Variants in SCFD2 observed in about 807,000 individuals in gnomAD.
The protein encoded by SCFD2 is sec1 family domain containing 2, also known as sec1 family domain-containing protein 2.
A neutral mutation model predicts 58.9 loss-of-function variants in SCFD2; 54 were observed. The ratio of observed to expected loss-of-function variants is 0.92; its 90% confidence interval spans 0.74 to 1.15. The LOEUF is 1.15. Among genes scored for constraint, SCFD2 ranks in the 50% most tolerant of loss-of-function variants. The pLI, the probability that SCFD2 is intolerant of heterozygous loss-of-function variation, is 0.00. For synonymous variants in SCFD2, 321 were observed against 335.9 expected (o/e 0.96, Z 0.49); for missense variants, 805 against 836.6 (o/e 0.96, Z 0.47).
At chr4:53,333,645 C>T (rs1020007745) in intron 2 of SCFD2, among the ~76,000 whole-genome samples, 2 of 145,754 alleles carry the variant, frequency 1.4e-5, no homozygotes, top group African/African-American at 5.1e-5. Flanking sequence ...ACCATAAAAA[C>T]CCTAGAAGAA....
At chr4:53,330,532 G>C (rs1467175252) in intron 2 of SCFD2, among the ~76,000 whole-genome samples, 1 of 152,094 alleles carries the variant, frequency 6.6e-6, no homozygotes, top group Non-Finnish European at 1.5e-5. Flanking sequence ...ATACTTTACA[G>C]ACAAGCAAAT....
intron 5 of SCFD2, among the ~76,000 whole-genome samples, chr4:53,137,586 G>T (rs1725979685): frequency 6.6e-6 from 1 of 152,184 alleles, no homozygotes; most frequent in African/African-American, 2.4e-5. Flanking sequence ...AGTTCTTAGG[G>T]TATTATCATG....
chr4:53,276,058 T>C (rs1361407092), intron 3 of SCFD2, among the ~76,000 whole-genome samples: 3 of 151,982 alleles, frequency 2.0e-5, no homozygotes, highest in African/African-American at 7.2e-5. Flanking sequence ...ATATGTTTCA[T>C]TTTCCTTTAG....
chr4:53,302,538 T>C lies in SCFD2; in HGVS notation c.1135+11098A>G, dbSNP rs373814899. ...TGGCCATACTGCCCAAGGTAATTTA[T>C]AGATTCAATGCCATCCCCATCAAGC... On this transcript the variant is annotated intron_variant, in intron 3 of 8. Coordinates refer to ENST00000401642, the MANE Select transcript of SCFD2 (RefSeq NM_152540.4). Among the ~76,000 whole-genome samples the C allele has an allele frequency of 5.3e-5, 8 of 152,262 alleles. No homozygotes were observed. The East Asian group carries it at 7.7e-4, about 15-fold the overall frequency.
chr4:52,979,746 GA>G (rs1721333125), intron 5 of SCFD2, among the ~76,000 whole-genome samples: 1 of 152,100 alleles, frequency 6.6e-6, no homozygotes, highest in African/African-American at 2.4e-5. Flanking sequence ...TTTCCCTTTG[GA>G]AAGCAGTTAG....
intron 5 of SCFD2, among the ~76,000 whole-genome samples, chr4:52,925,368 A>ATATC (rs1318033895): frequency 6.7e-6 from 1 of 149,466 alleles, no homozygotes; most frequent in African/African-American, 2.5e-5. Flanking sequence ...ATATATATAT[A>ATATC]TATACATGAT....
At chr4:53,054,882 G>A (rs560240813) in intron 5 of SCFD2, among the ~76,000 whole-genome samples, 2 of 152,178 alleles carry the variant, frequency 1.3e-5, no homozygotes, top group African/African-American at 4.8e-5. Flanking sequence ...TCAAACTCCC[G>A]GGTTCAAGCA....
At position 52,906,633 on chromosome 4, in the gene SCFD2, T is replaced by A. The variant is rs539606329; in HGVS notation, c.1842+824A>T. On this transcript the variant is annotated intron_variant, in intron 7 of 8. Coordinates refer to ENST00000401642, the MANE Select transcript of SCFD2 (RefSeq NM_152540.4). ...AGCAGGCTTACTGCTTGGTTTAGAG[T>A]CTGATTGTCTGGCGTCTGTCCTCTG... 2.6e-5 allele frequency among the ~76,000 whole-genome samples: 4 copies of A among 152,230 alleles called. No individual in the cohort carries two copies. The East Asian group carries it at 5.8e-4, about 22-fold the overall frequency.
chr4:53,098,298 C>T (rs1408941908), intron 5 of SCFD2, among the ~76,000 whole-genome samples: 2 of 152,150 alleles, frequency 1.3e-5, no homozygotes, highest in South Asian at 2.1e-4. Flanking sequence ...ATGGTACCAG[C>T]TCCTCCTTGT....
At chr4:53,135,727 C>A (rs915480631) in intron 5 of SCFD2, among the ~76,000 whole-genome samples, 2 of 151,706 alleles carry the variant, frequency 1.3e-5, no homozygotes, top group Non-Finnish European at 2.9e-5. Context: ...GGCAACAGAG[C>A]GAGACTCCAT....
intron 5 of SCFD2, among the ~76,000 whole-genome samples, chr4:53,096,200 C>T (rs1405066266): frequency 4.6e-5 from 7 of 152,096 alleles, no homozygotes; most frequent in South Asian, 4.1e-4. Context: ...GTCTTTATAG[C>T]GGCATGATTT....
chr4:52,991,676 A>G (rs1721615640), intron 5 of SCFD2, among the ~76,000 whole-genome samples: 1 of 152,092 alleles, frequency 6.6e-6, no homozygotes, highest in African/African-American at 2.4e-5. Flanking sequence ...GCTCCACCCA[A>G]CTCCCAAATG....
At chr4:53,111,586 G>A (rs1297140552) in intron 5 of SCFD2, among the ~76,000 whole-genome samples, 1 of 152,066 alleles carries the variant, frequency 6.6e-6, no homozygotes, top group Non-Finnish European at 1.5e-5. Context: ...TGGAAACAAA[G>A]TCTCTGGACG....
chr4:53,348,200 A>C (rs1272252140), intron 2 of SCFD2, among the ~76,000 whole-genome samples: 1 of 152,240 alleles, frequency 6.6e-6, no homozygotes, highest in African/African-American at 2.4e-5. Flanking sequence ...GCCTTTTATA[A>C]AAATTGGCAG....
chr4:52,954,946 T>C (rs756881650), intron 5 of SCFD2, among the ~76,000 whole-genome samples: 18 of 152,170 alleles, frequency 1.2e-4, no homozygotes, highest in Non-Finnish European at 2.1e-4. Context: ...CCCTGTCCTT[T>C]TGATCCACAA....
At chr4:53,032,782 T>A (rs1045042897) in intron 5 of SCFD2, among the ~76,000 whole-genome samples, 3 of 152,270 alleles carry the variant, frequency 2.0e-5, no homozygotes, top group African/African-American at 7.2e-5. Context: ...ATCCTTAATA[T>A]ATATGCACCC....
intron 5 of SCFD2, among the ~76,000 whole-genome samples, chr4:53,001,396 C>T (rs2898683): frequency 0.86 from 130,950 of 152,206 alleles, 56,522 homozygotes; most frequent in Middle Eastern, 0.95. Flanking sequence ...TTTTACCGAA[C>T]TGTTTTTCCA....
chr4:53,260,681 G>C (rs1330746308), intron 4 of SCFD2, among the ~76,000 whole-genome samples: 1 of 152,008 alleles, frequency 6.6e-6, no homozygotes, highest in Non-Finnish European at 1.5e-5. Flanking sequence ...ATATTGGTCT[G>C]TAGTTTTGTT....
chr4:53,159,111 A>T (rs1165898757), intron 4 of SCFD2, among the ~76,000 whole-genome samples: 1 of 152,180 alleles, frequency 6.6e-6, no homozygotes, highest in Non-Finnish European at 1.5e-5. Flanking sequence ...TCCAGGACCT[A>T]GCTCCGCCCT....
Sources: gnomAD v4.1 joint callset for allele counts (sites outside exome capture counted in the v4.1 genomes callset) on GRCh38, gnomAD v4.1.1 for gene constraint, MANE v1.5 for transcripts, NCBI Gene and HGNC (gene_info 2026-07-23, HGNC 2026-07-21) for gene names.